Variants in FAM13A observed in about 807,000 individuals in gnomAD.
The protein encoded by FAM13A is protein FAM13A.
Under a neutral mutation model 129.6 loss-of-function variants are expected in FAM13A, and 76 were observed. That is an observed-to-expected ratio of 0.59 (90% CI 0.49 to 0.71). The LOEUF (loss-of-function observed/expected upper bound fraction) is 0.71, where lower values mean the gene tolerates loss of function less well. Ranked by LOEUF, FAM13A falls within the 30% of genes least tolerant of loss-of-function variation. The pLI, the probability that FAM13A is intolerant of heterozygous loss-of-function variation, is 0.00. For synonymous variants in FAM13A, 443 were observed against 449.9 expected (o/e 0.98, Z 0.20); for missense variants, 1,108 against 1,249.3 (o/e 0.89, Z 1.70).
rs1312437585 is a variant in FAM13A, at chr4:88,749,757, G to C, written c.2079+14C>G. On this transcript the variant is annotated intron_variant, in intron 16 of 23. Transcript: ENST00000264344. ...GAGGATGAGGCGAAAAGAACAGTGTGAGGGGACACTTACTCTGTACTTCTT... is the reference window on the plus strand; with the variant it reads ...GAGGATGAGGCGAAAAGAACAGTGTCAGGGGACACTTACTCTGTACTTCTT... The C allele has an allele frequency of 5.0e-6, 8 of 1,613,296 alleles. No homozygotes were observed. Among genetic ancestry groups the C allele is most frequent in the Non-Finnish European group, 5.9e-6 (7 of 1,179,390 alleles).
chr4:88,821,402 T>C (rs992852203), intron 7 of FAM13A, among the ~76,000 whole-genome samples: 1 of 152,236 alleles, frequency 6.6e-6, no homozygotes, highest in Non-Finnish European at 1.5e-5. Flanking sequence ...TATTCCTGCA[T>C]TTATTCCTAC....
intron 8 of FAM13A, among the ~76,000 whole-genome samples, chr4:88,800,453 G>A (rs12642973): frequency 0.45 from 68,398 of 151,874 alleles, 15,709 homozygotes; most frequent in East Asian, 0.69. Context: ...GGGAGGCCGA[G>A]GTGGGCAGAT....
At chr4:88,980,149 A>C (rs1761469163) in intron 4 of FAM13A, among the ~76,000 whole-genome samples, 1 of 152,308 alleles carries the variant, frequency 6.6e-6, no homozygotes, top group Non-Finnish European at 1.5e-5. Context: ...AAAGGTTATA[A>C]AGTAGTATTA....
chr4:89,056,545 A>G (rs1008468521), intron 1 of FAM13A, among the ~76,000 whole-genome samples: 1 of 152,200 alleles, frequency 6.6e-6, no homozygotes, highest in African/African-American at 2.4e-5. Context: ...CACATACTCA[A>G]AAGTAATAAA....
rs539257271 is a variant in FAM13A, at chr4:88,923,399, A to T, written c.759+14689T>A. On this transcript the variant is annotated intron_variant, in intron 5 of 23. Coordinates refer to ENST00000264344, the MANE Select transcript of FAM13A (RefSeq NM_014883.4). ...CCTGGGATGCAAGGCTGGTTCAACA[A>T]ACGCAAATCAATAAATGTAATCCAG... is the stretch of plus-strand genomic sequence containing the variant. Among the ~76,000 whole-genome samples the T allele has an allele frequency of 4.6e-5, 7 of 152,294 alleles. No individual in the cohort carries two copies. In the South Asian group the frequency reaches 6.2e-4, roughly 14 times the overall value.
At chr4:88,741,705 C>T (rs1304283984) in intron 19 of FAM13A, among the ~76,000 whole-genome samples, 1 of 152,026 alleles carries the variant, frequency 6.6e-6, no homozygotes, top group African/African-American at 2.4e-5. Context: ...GACGTGATGC[C>T]AAAAGGAAAC....
intron 7 of FAM13A, among the ~76,000 whole-genome samples, chr4:88,830,448 A>C (rs2149878245): frequency 6.6e-6 from 1 of 152,310 alleles, no homozygotes. Context: ...AGTGAAATAA[A>C]TATGCTTGCA....
At chr4:88,862,801 A>G (rs1048201057) in intron 6 of FAM13A, among the ~76,000 whole-genome samples, 9 of 152,090 alleles carry the variant, frequency 5.9e-5, no homozygotes, top group African/African-American at 2.2e-4. Context: ...TAAATAAACA[A>G]TAATAAAATG....
Position 88,796,321 on chromosome 4 carries a change from A to C in FAM13A, c.1050-5694T>G, listed in dbSNP as rs571818109. ...ATTGAAAGTTTTTGTCATTAATTACACTGTGGTCAGAAATTATTGGCTATC... is the reference window on the plus strand; with the variant it reads ...ATTGAAAGTTTTTGTCATTAATTACCCTGTGGTCAGAAATTATTGGCTATC... On this transcript the variant is annotated intron_variant, in intron 8 of 23. Coordinates refer to ENST00000264344, the MANE Select transcript of FAM13A (RefSeq NM_014883.4). Among the ~76,000 whole-genome samples, 10 of 152,106 alleles carry C rather than the reference A, an allele frequency of 6.6e-5. No homozygotes were observed. The East Asian group carries it at 1.9e-3, about 29-fold the overall frequency.
intron 3 of FAM13A, among the ~76,000 whole-genome samples, chr4:88,996,115 G>A (rs6827857): frequency 0.7 from 105,728 of 152,110 alleles, 36,856 homozygotes; most frequent in Middle Eastern, 0.79. Context: ...GGGGCCAAGT[G>A]GTGGTGGGTG....
chr4:89,006,747 G>A (rs34437549), intron 3 of FAM13A, among the ~76,000 whole-genome samples: 10,025 of 152,186 alleles, frequency 0.066, 459 homozygotes, highest in South Asian at 0.14. Flanking sequence ...TGGTGAATGC[G>A]GATTTTTTAT....
In FAM13A at chr4:88,746,982, C is replaced by G; in HGVS notation, c.2416G>C (p.Val806Leu). The change falls in exon 19 of 24, where the codon GTG (valine) becomes CTG (leucine). Residue 806 changes from valine (V) to leucine (L), a missense_variant. By Grantham distance (32) the Val-to-Leu change is conservative. Around this residue, in one of 3 missense-constraint regions of FAM13A, gnomAD observed 529 missense variants for 621.2 expected, o/e 0.85. Coordinates refer to ENST00000264344, the MANE Select transcript of FAM13A (RefSeq NM_014883.4). ...TATAACAGAGCTTTCTGCAGAGCCA[C>G]TTTCTCATTAGCAATCTGGTCTTTG... Reference protein sequence around the residue: ...MTKDQIANEKVALQKALLYYE... With the variant: ...MTKDQIANEKLALQKALLYYE... 6.2e-7 allele frequency: 1 copy of G among 1,613,576 alleles called. No homozygotes were observed. Among genetic ancestry groups the G allele is most frequent in the South Asian group, 1.1e-5 (1 of 91,074 alleles).
chr4:88,886,609 G>T (rs554245495), intron 6 of FAM13A, among the ~76,000 whole-genome samples: 1 of 149,504 alleles, frequency 6.7e-6, no homozygotes, highest in South Asian at 2.1e-4. Context: ...AAAAAAGAAA[G>T]AAATTATGGT....
chr4:88,789,625 A>G (rs953924440), intron 9 of FAM13A, among the ~76,000 whole-genome samples: 3 of 152,218 alleles, frequency 2.0e-5, no homozygotes, highest in Admixed American at 6.6e-5. Flanking sequence ...GTAGGGAGAT[A>G]GCAATGAACA....
intron 5 of FAM13A, among the ~76,000 whole-genome samples, chr4:88,923,104 C>T (rs546338919): frequency 2.6e-5 from 4 of 152,140 alleles, no homozygotes; most frequent in Admixed American, 6.5e-5. Context: ...GATTCACAGC[C>T]GAATTCTACC....
chr4:88,853,442 T>G (rs533621776), intron 6 of FAM13A, among the ~76,000 whole-genome samples: 95 of 152,264 alleles, frequency 6.2e-4, no homozygotes, highest in African/African-American at 2.0e-3. Flanking sequence ...AAATATACGC[T>G]GTTATATATT....
At chr4:89,004,674 T>G (rs1271279952) in intron 3 of FAM13A, among the ~76,000 whole-genome samples, 2 of 152,156 alleles carry the variant, frequency 1.3e-5, no homozygotes, top group African/African-American at 4.8e-5. Flanking sequence ...GAGACCAATT[T>G]TAAGCTTAAA....
At chr4:88,911,650 C>A (rs950654563) in intron 5 of FAM13A, among the ~76,000 whole-genome samples, 7 of 152,178 alleles carry the variant, frequency 4.6e-5, no homozygotes, top group Non-Finnish European at 8.8e-5. Flanking sequence ...GAGCAATTCC[C>A]TCCATATGCA....
rs555128935 is a variant in FAM13A, at chr4:89,005,370, T to C, written c.428-14220A>G. ...TTGCTATTGTGAATAGTGCTGCAAA[T>C]GAAAATTCACATGCATGTGTCTTTA... On this transcript the variant is annotated intron_variant, in intron 3 of 23. Coordinates refer to ENST00000264344, the MANE Select transcript of FAM13A (RefSeq NM_014883.4). Among the ~76,000 whole-genome samples the C allele has an allele frequency of 2.6e-5, 4 of 152,308 alleles. No homozygotes were observed. The South Asian group carries it at 8.3e-4, about 32-fold the overall frequency.
Sources: allele counts gnomAD v4.1 joint callset (sites outside exome capture counted in the v4.1 genomes callset), GRCh38; gene constraint gnomAD v4.1.1; regional missense constraint gnomAD v4.1.1; transcripts MANE v1.5; gene names NCBI Gene and HGNC (gene_info 2026-07-23, HGNC 2026-07-21).